ZNF354B: variants seen among roughly 807,000 people sequenced by gnomAD.
ZNF354B encodes zinc finger protein 354B.
Under a neutral mutation model 12.9 loss-of-function variants are expected in ZNF354B, and 10 were observed. That is an observed-to-expected ratio of 0.77 (90% CI 0.48 to 1.31). ZNF354B has a LOEUF of 1.31. Ranked by LOEUF, ZNF354B falls within the 40% of genes most tolerant of loss-of-function variation. The pLI is 0.00. For missense variants in ZNF354B, 614 were observed against 711.7 expected, an observed-to-expected ratio of 0.86 and a Z score of 1.56; for synonymous variants, 260 against 243.7, an observed-to-expected ratio of 1.07 and a Z score of -0.62.
intron 4 of ZNF354B, among the ~76,000 whole-genome samples, chr5:178,871,182 A>G (rs1005230377): frequency 6.6e-6 from 1 of 152,136 alleles, no homozygotes; most frequent in Middle Eastern, 3.2e-3. Context: ...TGGCCTTCAG[A>G]GACCTACATG....
At chr5:178,863,034 C>T (rs1395086249) in intron 2 of ZNF354B, among the ~76,000 whole-genome samples, 1 of 152,150 alleles carries the variant, frequency 6.6e-6, no homozygotes, top group African/African-American at 2.4e-5. Context: ...ACCTTGTGTT[C>T]TTGTCTCAGG....
chr5:178,871,529 C>G (rs1251119756), intron 4 of ZNF354B, among the ~76,000 whole-genome samples: 1 of 152,200 alleles, frequency 6.6e-6, no homozygotes, highest in Non-Finnish European at 1.5e-5. Flanking sequence ...CATGATCTGT[C>G]TCTGCCTCTG....
chr5:178,865,993 A>C (rs1405498502), intron 2 of ZNF354B, among the ~76,000 whole-genome samples: 1 of 152,206 alleles, frequency 6.6e-6, no homozygotes, highest in African/African-American at 2.4e-5. Flanking sequence ...GATTATTCTA[A>C]TTAAGGGTCC....
Position 178,883,909 on chromosome 5 carries a change from G to T in ZNF354B, c.1457G>T (p.Arg486Ile). ...AGTTCCGCTCTCATTCAACATCAGA[G>T]AATGCATACTGGAGAAAGACCCTAT... The part of the protein sequence containing the change: ...RQSSALIQHQ[R>I]MHTGERPYKC... Residue 486 changes from arginine to isoleucine, a missense_variant, in exon 5 of 5, where the codon AGA (arginine) becomes ATA (isoleucine). Coordinates refer to ENST00000322434, the MANE Select transcript of ZNF354B (RefSeq NM_058230.3). 2 of 1,614,092 alleles carry T rather than the reference G, an allele frequency of 1.2e-6. No homozygotes were observed. The highest frequency in any genetic ancestry group is 1.7e-6 in the Non-Finnish European group (2 of 1,179,986).
At position 178,882,782 on chromosome 5, in the gene ZNF354B, A is replaced by G; in HGVS notation, c.330A>G (p.Arg110=). The change falls in exon 5 of 5, where the codon AGA becomes AGG. Residue 110 remains arginine (R), a synonymous_variant. Coordinates refer to ENST00000322434, the MANE Select transcript of ZNF354B (RefSeq NM_058230.3). ...QDSFQEQIRK[R]LKRDEPWNFI... is the part of the protein sequence containing the mutation. The stretch of plus-strand genomic sequence containing the variant: ...CATTTCAGGAGCAGATAAGGAAAAG[A>G]TTGAAAAGGGATGAACCCTGGAACT... 6.3e-7 allele frequency: 1 copy of G among 1,594,468 alleles called. No individual in the cohort carries two copies. The highest frequency in any genetic ancestry group is 8.5e-7 in the Non-Finnish European group (1 of 1,175,474).
At chr5:178,879,171 C>T (rs1757682404) in intron 4 of ZNF354B, among the ~76,000 whole-genome samples, 2 of 151,846 alleles carry the variant, frequency 1.3e-5, no homozygotes, top group South Asian at 4.2e-4. Flanking sequence ...GCATCAGCCT[C>T]CCGAGTAGCT....
chr5:178,860,466 G>A (rs1180140450), intron 1 of ZNF354B, among the ~76,000 whole-genome samples: 2 of 152,280 alleles, frequency 1.3e-5, no homozygotes, highest in East Asian at 3.9e-4. Context: ...CAGTCCCCAG[G>A]ACGGCCACTC....
At chr5:178,878,931 C>T (rs1287368610) in intron 4 of ZNF354B, among the ~76,000 whole-genome samples, 3 of 152,104 alleles carry the variant, frequency 2.0e-5, no homozygotes, top group Non-Finnish European at 4.4e-5. Context: ...GAACTCCTGA[C>T]TTCAAATGAT....
rs1471662784 is a variant in ZNF354B, at chr5:178,884,274, G to C, written c.1822G>C (p.Ala608Pro). 3 of 1,587,862 alleles carry C rather than the reference G, an allele frequency of 1.9e-6. No homozygotes were observed. The highest frequency in any genetic ancestry group is 1.8e-5 in the Admixed American group (1 of 55,668). ...TCACATTGAAGAGGACTCCTTAAAA[G>C]CCGATTTGCATGTGTGAAAGCCTTA... ...KIHIEEDSLK[A>P]DLHV Residue 608 changes from alanine to proline, a missense_variant, in exon 5 of 5, where the codon GCC becomes CCC. Transcript: ENST00000322434.
intron 2 of ZNF354B, 71 bp from the exon 3 acceptor site, chr5:178,866,173 T>G: frequency 1.3e-6 from 2 of 1,568,284 alleles, no homozygotes; most frequent in Non-Finnish European, 8.7e-7. Flanking sequence ...GGGTAGCGTG[T>G]CTTCCCCACT....
chr5:178,883,044 A>C lies in ZNF354B; in HGVS notation c.592A>C (p.Asn198His). 6.2e-7 allele frequency: 1 copy of C among 1,606,250 alleles called. No individual in the cohort carries two copies. Among genetic ancestry groups the C allele is most frequent in the Non-Finnish European group, 8.5e-7 (1 of 1,178,176 alleles). Reference protein sequence around the residue: ...CEIQRNSFKQNSNLLNQSKIK... With the variant: ...CEIQRNSFKQHSNLLNQSKIK... ...AATACAAAGAAATAGTTTCAAGCAG[A>C]ATTCAAATTTACTTAACCAATCAAA... is the stretch of plus-strand genomic sequence containing the variant. The change falls in exon 5 of 5, where the codon AAT (asparagine) becomes CAT (histidine). Residue 198 changes from asparagine (N) to histidine (H), a missense_variant. Coordinates refer to ENST00000322434, the MANE Select transcript of ZNF354B (RefSeq NM_058230.3).
intron 4 of ZNF354B, among the ~76,000 whole-genome samples, chr5:178,876,363 A>C (rs541172525): frequency 6.6e-6 from 1 of 152,202 alleles, no homozygotes; most frequent in Non-Finnish European, 1.5e-5. Flanking sequence ...TGCCCCCTCC[A>C]GAGCCTGAGG....
At chr5:178,878,797 G>T (rs990267222) in intron 4 of ZNF354B, among the ~76,000 whole-genome samples, 6 of 151,926 alleles carry the variant, frequency 3.9e-5, no homozygotes, top group Admixed American at 3.9e-4. Context: ...TTGCCTCTTG[G>T]GTTCAAGTTA....
At chr5:178,869,415 G>A (rs1757521901) in intron 4 of ZNF354B, among the ~76,000 whole-genome samples, 1 of 152,032 alleles carries the variant, frequency 6.6e-6, no homozygotes, top group African/African-American at 2.4e-5. Context: ...AAAATTTAAT[G>A]AACTGCCAGA....
chr5:178,865,831 G>A (rs1188201500), intron 2 of ZNF354B, among the ~76,000 whole-genome samples: 1 of 149,750 alleles, frequency 6.7e-6, no homozygotes. Flanking sequence ...ATATCAGTGA[G>A]TATTTAGGTT....
chr5:178,877,775 C>T (rs1018591534), intron 4 of ZNF354B, among the ~76,000 whole-genome samples: 1 of 152,170 alleles, frequency 6.6e-6, no homozygotes, highest in African/African-American at 2.4e-5. Context: ...CTGCTGCCAA[C>T]TAATATTAAT....
chr5:178,866,307 C>T lies in ZNF354B; in HGVS notation c.97C>T (p.Pro33Ser), dbSNP rs774828993. 6.2e-7 allele frequency: 1 copy of T among 1,614,080 alleles called. No individual in the cohort carries two copies. The highest frequency in any genetic ancestry group is 8.5e-7 in the Non-Finnish European group (1 of 1,179,990). The change falls in exon 3 of 5, where the codon CCT becomes TCT. Residue 33 changes from proline (P) to serine (S), a missense_variant. Pro to Ser is a moderately conservative substitution (Grantham distance 74). Coordinates refer to ENST00000322434, the MANE Select transcript of ZNF354B (RefSeq NM_058230.3). ...FTWDEWRKLA[P>S]SQRNLYRDVM... ...CTGGGATGAGTGGAGAAAGCTGGCT[C>T]CTTCTCAGAGAAACTTGTACCGGGA...
In ZNF354B at chr5:178,884,580, C is replaced by G. The variant is rs1372395407; in HGVS notation, c.*289C>G. On this transcript the variant is annotated 3_prime_UTR_variant, in exon 5 of 5. Transcript: ENST00000322434. Reference sequence around the variant, plus strand: ...TCTATGACATGCAAAAAAGAAAAGTCTGGGTGCTGAGGTGCTGAATTTTTC... The same window carrying G: ...TCTATGACATGCAAAAAAGAAAAGTGTGGGTGCTGAGGTGCTGAATTTTTC... 1.6e-5 allele frequency: 4 copies of G among 244,566 alleles called. No individual in the cohort carries two copies. The highest frequency in any genetic ancestry group is 9.0e-5 in the African/African-American group (4 of 44,644). 15.1% of individuals were successfully genotyped at this position (244,566 alleles called of 1,614,324 possible). A position where few individuals can be genotyped will look rare whatever the true frequency, so the allele number is the denominator to read the frequency against.
chr5:178,871,850 A>T (rs1757568366), intron 4 of ZNF354B, among the ~76,000 whole-genome samples: 1 of 152,218 alleles, frequency 6.6e-6, no homozygotes, highest in Non-Finnish European at 1.5e-5. Context: ...GAAGGAGATT[A>T]GATTTGGAGG....
Sources: gnomAD v4.1 joint callset for allele counts (sites outside exome capture counted in the v4.1 genomes callset) on GRCh38, gnomAD v4.1.1 for gene constraint, MANE v1.5 for transcripts, NCBI Gene and HGNC (gene_info 2026-07-23, HGNC 2026-07-21) for gene names.